Variants in SRGAP3 observed in about 807,000 individuals in gnomAD.
SRGAP3 encodes the protein SLIT-ROBO Rho GTPase activating protein 3.
Under a neutral mutation model 121.1 loss-of-function variants are expected in SRGAP3, and 39 were observed. The ratio of observed to expected loss-of-function variants is 0.32; its 90% confidence interval spans 0.25 to 0.42. SRGAP3 has a LOEUF of 0.42. Ranked by LOEUF, SRGAP3 falls within the 10% of genes least tolerant of loss-of-function variation. SRGAP3 has a pLI of 1.00. For missense variants in SRGAP3, 1,213 were observed against 1,470.6 expected, an observed-to-expected ratio of 0.82 and a Z score of 2.86; for synonymous variants, 601 against 570.0, an observed-to-expected ratio of 1.05 and a Z score of -0.77.
rs1275382849 is a variant in SRGAP3, at chr3:9,109,361, C to T, written c.261-4519G>A. On this transcript the variant is annotated intron_variant, in intron 2 of 21. Transcript: ENST00000383836. This position sits in a 1 kb window ranked among gnomAD's most constrained non-coding sequence, Gnocchi z 4.4. ...ATGAGAGGAAGGGCAGAGAGCACAG[C>T]GCTGTCCTTATCAGAAGCTGCAAGC... is the stretch of plus-strand genomic sequence containing the variant. 2.6e-5 allele frequency among the ~76,000 whole-genome samples: 4 copies of T among 152,172 alleles called. No individual in the cohort carries two copies. The highest frequency in any genetic ancestry group is 7.2e-5 in the African/African-American group (3 of 41,442).
chr3:9,012,411 T>C (rs1344132990), intron 17 of SRGAP3, among the ~76,000 whole-genome samples: 1 of 152,212 alleles, frequency 6.6e-6, no homozygotes, highest in Non-Finnish European at 1.5e-5. Context: ...GAATTTCCTG[T>C]CTTCACCACA....
At chr3:9,306,630 C>A (rs957321342) in intron 3 of SRGAP3, among the ~76,000 whole-genome samples, 2 of 152,136 alleles carry the variant, frequency 1.3e-5, no homozygotes, top group African/African-American at 4.8e-5. Context: ...AGCTTTCTAC[C>A]TATGGCTAGC....
intron 1 of SRGAP3, among the ~76,000 whole-genome samples, chr3:9,355,223 AT>A (rs1038805923): frequency 2.3e-4 from 35 of 152,178 alleles, no homozygotes; most frequent in African/African-American, 7.0e-4. Context: ...ACACCCCAGA[AT>A]TTGACAGTTC....
At chr3:9,334,587 A>G (rs891298056) in intron 1 of SRGAP3, among the ~76,000 whole-genome samples, 4 of 152,150 alleles carry the variant, frequency 2.6e-5, no homozygotes, top group Admixed American at 2.0e-4. Context: ...ACTAGTCACT[A>G]TATTAGGCAC....
intron 1 of SRGAP3, among the ~76,000 whole-genome samples, chr3:9,168,016 T>G (rs768500266): frequency 6.6e-6 from 1 of 152,200 alleles, no homozygotes; most frequent in Admixed American, 6.5e-5. Flanking sequence ...ATTAGCTCCT[T>G]GATTCCCCAC....
chr3:9,330,369 T>G (rs893181276), intron 2 of SRGAP3, among the ~76,000 whole-genome samples: 1 of 152,144 alleles, frequency 6.6e-6, no homozygotes, highest in African/African-American at 2.4e-5. Context: ...CAGTTTCTGT[T>G]GCAACTCCAA....
At chr3:9,257,677 A>G (rs562978248) in intron 3 of SRGAP3, among the ~76,000 whole-genome samples, 40 of 136,340 alleles carry the variant, frequency 2.9e-4, no homozygotes, top group African/African-American at 1.1e-3. Context: ...TCATTTACTC[A>G]CTCATTAAAC....
In SRGAP3 at chr3:9,249,366, G is replaced by A. The variant is rs1171882630; in HGVS notation, c.-415C>T. ...GCACACAGTTGTGCTGTGCACACAGGCATACACACACACACCCTCACACGC... is the reference window on the plus strand; with the variant it reads ...GCACACAGTTGTGCTGTGCACACAGACATACACACACACACCCTCACACGC... On this transcript the variant is annotated 5_prime_UTR_variant, in exon 1 of 22. Coordinates refer to ENST00000383836, the MANE Select transcript of SRGAP3 (RefSeq NM_014850.4). 2.4e-5 allele frequency: 9 copies of A among 368,340 alleles called. No homozygotes were observed. Among genetic ancestry groups the A allele is most frequent in the African/African-American group, 1.6e-4 (8 of 49,260 alleles). 22.8% of individuals were successfully genotyped at this position (368,340 alleles called of 1,614,324 possible). A position where few individuals can be genotyped will look rare whatever the true frequency, so the allele number is the denominator to read the frequency against.
At chr3:9,063,043 T>C (rs1312614794) in intron 5 of SRGAP3, among the ~76,000 whole-genome samples, 1 of 152,060 alleles carries the variant, frequency 6.6e-6, no homozygotes, top group Non-Finnish European at 1.5e-5. Flanking sequence ...GCCTTTTTAA[T>C]TCTAGCTATC....
chr3:9,348,014 G>A, intron 1 of SRGAP3, among the ~76,000 whole-genome samples: 1 of 152,180 alleles, frequency 6.6e-6, no homozygotes, highest in Non-Finnish European at 1.5e-5. Context: ...CACACTCACA[G>A]ACATGTACTG....
intron 5 of SRGAP3, among the ~76,000 whole-genome samples, chr3:9,061,821 G>A (rs75725780): frequency 0.022 from 3,372 of 152,288 alleles, 40 homozygotes; most frequent in Non-Finnish European, 0.035. Context: ...CCCCCAGGGA[G>A]CTGCTCCTGG....
chr3:9,261,052 G>A (rs1309276666), intron 3 of SRGAP3, among the ~76,000 whole-genome samples: 2 of 152,194 alleles, frequency 1.3e-5, no homozygotes, highest in Admixed American at 1.3e-4. Flanking sequence ...GTGATACCCA[G>A]GCAAACAGGA....
At chr3:9,337,162 T>G (rs1189334489) in intron 1 of SRGAP3, among the ~76,000 whole-genome samples, 1 of 152,234 alleles carries the variant, frequency 6.6e-6, no homozygotes, top group Non-Finnish European at 1.5e-5. Flanking sequence ...CTTTGTGTTC[T>G]ACTCAGGCCT....
intron 1 of SRGAP3, among the ~76,000 whole-genome samples, chr3:9,158,469 T>C (rs138211139): frequency 1.3e-5 from 2 of 152,330 alleles, no homozygotes; most frequent in African/African-American, 2.4e-5. Context: ...GAGGTTCACA[T>C]AGCACTTTGC....
chr3:9,173,625 C>T (rs1238803260), intron 1 of SRGAP3, among the ~76,000 whole-genome samples: 5 of 152,072 alleles, frequency 3.3e-5, no homozygotes, highest in East Asian at 1.9e-4. Context: ...ATCCCTCCAA[C>T]GGGCAACTCT....
intron 10 of SRGAP3, among the ~76,000 whole-genome samples, chr3:9,041,920 G>A (rs573956161): frequency 1.3e-5 from 2 of 152,224 alleles, no homozygotes; most frequent in South Asian, 4.2e-4. Context: ...GGCCAACATG[G>A]TGAAACCCCA....
chr3:9,015,551 CAAT>C (rs1379624707), intron 15 of SRGAP3, 43 bp downstream of exon 15: 1 of 1,611,530 alleles, frequency 6.2e-7, no homozygotes, highest in African/African-American at 1.3e-5. Flanking sequence ...TCAACTCCAA[CAAT>C]GATTTGTCAA....
At chr3:9,318,224 A>G (rs1955380824) in intron 3 of SRGAP3, among the ~76,000 whole-genome samples, 1 of 149,194 alleles carries the variant, frequency 6.7e-6, no homozygotes, top group South Asian at 2.1e-4. Context: ...TCTGGCCCAT[A>G]GGCACCAGTC....
intron 1 of SRGAP3, chr3:9,348,715 TG>T: frequency 1.6e-6 from 2 of 1,234,222 alleles, no homozygotes; most frequent in African/African-American, 1.5e-5. Flanking sequence ...AGCAGCACTC[TG>T]GGGGTCTGAT....
Sources: allele counts gnomAD v4.1 joint callset (sites outside exome capture counted in the v4.1 genomes callset), GRCh38; gene constraint gnomAD v4.1.1; non-coding constraint Gnocchi (gnomAD v3.1); transcripts MANE v1.5; gene names NCBI Gene and HGNC (gene_info 2026-07-23, HGNC 2026-07-21).